Variants in PHF8 observed in about 807,000 individuals in gnomAD.
PHF8 encodes histone lysine demethylase PHF8.
PHF8 carries 9 observed loss-of-function variants against 74.4 expected under a neutral mutation model. The ratio of observed to expected loss-of-function variants is 0.12; its 90% confidence interval spans 0.07 to 0.21. The LOEUF (loss-of-function observed/expected upper bound fraction) is 0.21, where lower values mean the gene tolerates loss of function less well. Among genes scored for constraint, PHF8 ranks in the 10% least tolerant of loss-of-function variants. The pLI, the probability that PHF8 is intolerant of heterozygous loss-of-function variation, is 1.00. For synonymous variants in PHF8, 311 were observed against 316.6 expected (o/e 0.98, Z 0.19); for missense variants, 478 against 816.6 (o/e 0.59, Z 5.05).
At chrX:53,949,684 C>A (rs782384608) in intron 19 of PHF8, among the ~76,000 whole-genome samples, 13 of 107,351 alleles carry the variant, frequency 1.2e-4, no homozygotes, top group Non-Finnish European at 2.1e-4. Flanking sequence ...TGGTGACAGG[C>A]GCCTGTAGTC....
At chrX:54,008,865 A>G (rs185376870) in intron 8 of PHF8, among the ~76,000 whole-genome samples, 8 of 111,631 alleles carry the variant, frequency 7.2e-5, no homozygotes, top group Non-Finnish European at 1.1e-4. Context: ...TAATGAGTAT[A>G]GGGTTTTTTT....
At chrX:54,011,070 C>G in intron 8 of PHF8, 52 bp downstream of exon 8, 1 of 1,086,163 alleles carries the variant, frequency 9.2e-7, no homozygotes, top group Non-Finnish European at 1.3e-6. Context: ...CCAAAAGCTC[C>G]CTTCTTCTTT....
intron 21 of PHF8, 62 bp downstream of exon 21, chrX:53,940,118 C>T (rs2064726999): frequency 1.1e-6 from 1 of 933,781 alleles, no homozygotes; most frequent in African/African-American, 2.0e-5. Flanking sequence ...TACTAGAGCA[C>T]TTAGGATTTA....
chrX:53,950,021 A>C (rs1405255042), intron 19 of PHF8, among the ~76,000 whole-genome samples: 1 of 110,800 alleles, frequency 9.0e-6, no homozygotes, highest in Admixed American at 9.7e-5. Context: ...AAAAATTGTC[A>C]GGATAAATTT....
intron 6 of PHF8, among the ~76,000 whole-genome samples, chrX:54,015,404 G>A (rs1435818758): frequency 3.7e-5 from 4 of 108,705 alleles, no homozygotes; most frequent in African/African-American, 1.3e-4. Flanking sequence ...GTGAAACCCC[G>A]TCTCTACTAA....
At chrX:54,022,171 G>A (rs906401078) in intron 4 of PHF8, 88 bp downstream of exon 4, 70 of 580,886 alleles carry the variant, frequency 1.2e-4, no homozygotes, top group Non-Finnish European at 1.9e-4. Context: ...GCTCCTAATG[G>A]GACAGCCACT....
chrX:54,044,459 G>A lies in PHF8; in HGVS notation c.-790C>T, dbSNP rs148254119. The stretch of plus-strand genomic sequence containing the variant: ...ACCAAGGCGACCGCCATCTTATGAG[G>A]GCTGGACTCGCGAGGTGAGCGCGGC... On this transcript the variant is annotated 5_prime_UTR_variant, in exon 1 of 22. Coordinates refer to ENST00000338154, the MANE Select transcript of PHF8 (RefSeq NM_015107.3). The A allele has an allele frequency of 1.2e-3, 858 of 745,666 alleles. 4 individuals are homozygous for A. The African/African-American group carries it at 0.019, about 16-fold the overall frequency. 61.5% of individuals were successfully genotyped at this position (745,666 alleles called of 1,213,427 possible).
At chrX:54,030,520 A>G (rs1557112325) in intron 2 of PHF8, among the ~76,000 whole-genome samples, 2 of 112,215 alleles carry the variant, frequency 1.8e-5, no homozygotes, top group African/African-American at 6.5e-5. Context: ...TTGAGCAGAC[A>G]CTGCCCTCAT....
intron 19 of PHF8, among the ~76,000 whole-genome samples, chrX:53,947,962 TCAC>T (rs1274161169): frequency 9.0e-6 from 1 of 111,686 alleles, no homozygotes; most frequent in African/African-American, 3.3e-5. Context: ...GGCCAACAAG[TCAC>T]CCCCAGCCTT....
In PHF8 at chrX:53,984,988, C is replaced by T; in HGVS notation, c.2369G>A (p.Ser790Asn). The T allele has an allele frequency of 8.3e-7, 1 of 1,210,890 alleles. No individual in the cohort carries two copies. The highest frequency in any genetic ancestry group is 1.1e-6 in the Non-Finnish European group (1 of 894,776). ...ACTGGCGTTCTCCTCCTCCTCCTCG[C>T]TCTCGGTTCTCCAGTATGCTGGCCG... ...IKRPAYWRTE[S>N]EEEEENASLD... is the part of the protein sequence containing the mutation. Residue 790 changes from serine (S) to asparagine (N), a missense_variant, in exon 18 of 22, where the codon AGC (serine) becomes AAC (asparagine). By Grantham distance (46) the Ser-to-Asn change is conservative. Coordinates refer to ENST00000338154, the MANE Select transcript of PHF8 (RefSeq NM_015107.3).
At chrX:54,002,746 T>G (rs1430899411) in intron 8 of PHF8, 64 bp from the exon 9 acceptor site, 7 of 735,830 alleles carry the variant, frequency 9.5e-6, no homozygotes, top group African/African-American at 2.1e-5. Flanking sequence ...TTATCTCCAC[T>G]ACCTACTCAT....
chrX:53,963,700 A>T (rs1252229364), intron 18 of PHF8, among the ~76,000 whole-genome samples: 2 of 112,523 alleles, frequency 1.8e-5, no homozygotes, highest in East Asian at 5.6e-4. Context: ...ATCTCAAGCC[A>T]GTTAGAATGG....
chrX:53,981,170 C>T (rs1211053544), intron 18 of PHF8, among the ~76,000 whole-genome samples: 4 of 112,616 alleles, frequency 3.6e-5, no homozygotes, highest in Non-Finnish European at 7.5e-5. Flanking sequence ...GCCCAGATCA[C>T]GCCACTTCAT....
intron 19 of PHF8, among the ~76,000 whole-genome samples, chrX:53,950,007 T>C: frequency 9.1e-6 from 1 of 109,650 alleles, no homozygotes; most frequent in Non-Finnish European, 1.9e-5. Flanking sequence ...ACAAAAAAAC[T>C]AGCAAAAATT....
At chrX:53,995,462 A>G (rs190561001) in intron 12 of PHF8, among the ~76,000 whole-genome samples, 1 of 112,481 alleles carries the variant, frequency 8.9e-6, no homozygotes, top group East Asian at 2.8e-4. Context: ...AGGGTCCTCT[A>G]TTAGGCTGAG....
chrX:53,988,141 G>T (rs782693156), intron 14 of PHF8, among the ~76,000 whole-genome samples, 197 bp from the exon 15 acceptor site: 1 of 111,755 alleles, frequency 8.9e-6, no homozygotes, highest in African/African-American at 3.3e-5. Flanking sequence ...TTTTGAAAAA[G>T]AACATTGGAT....
chrX:54,030,967 C>T lies in PHF8; in HGVS notation c.99-8124G>A, dbSNP rs1375655947. Among the ~76,000 whole-genome samples the T allele has an allele frequency of 2.7e-5, 3 of 111,993 alleles. No individual in the cohort carries two copies. The East Asian group carries it at 8.4e-4, about 31-fold the overall frequency. ...TAAAATAGTTAAGTACTTAAAGTTC[C>T]TGGCACATGTTAAGTATTAGCTATC... is the stretch of plus-strand genomic sequence containing the variant. On this transcript the variant is annotated intron_variant, in intron 2 of 21. Coordinates refer to ENST00000338154, the MANE Select transcript of PHF8 (RefSeq NM_015107.3).
In PHF8 at chrX:54,016,229, C is replaced by T. The variant is rs1264799832; in HGVS notation, c.596+366G>A. ...GAACACGAGGCAAGGTGCGGTGGCT[C>T]ATGCCTGTAATCCTAGTACTTTGGG... On this transcript the variant is annotated intron_variant, in intron 6 of 21. Coordinates refer to ENST00000338154, the MANE Select transcript of PHF8 (RefSeq NM_015107.3). 7.2e-5 allele frequency among the ~76,000 whole-genome samples: 8 copies of T among 111,426 alleles called. No individual in the cohort carries two copies. The Admixed American group carries it at 7.7e-4, about 11-fold the overall frequency.
At chrX:54,007,208 C>G (rs1557105556) in intron 8 of PHF8, among the ~76,000 whole-genome samples, 1 of 111,249 alleles carries the variant, frequency 9.0e-6, no homozygotes, top group Admixed American at 9.6e-5. Flanking sequence ...GAACTACATA[C>G]AAAAGAAAGA....
Sources: gnomAD v4.1 joint callset for allele counts (sites outside exome capture counted in the v4.1 genomes callset) on GRCh38, gnomAD v4.1.1 for gene constraint, MANE v1.5 for transcripts, NCBI Gene and HGNC (gene_info 2026-07-23, HGNC 2026-07-21) for gene names.